Variants in WDR72 observed in about 807,000 individuals in gnomAD.
The protein encoded by WDR72 is WD repeat domain 72.
In WDR72, 120 loss-of-function variants were observed where a neutral mutation model predicts 124.2. That is an observed-to-expected ratio of 0.97 (90% CI 0.83 to 1.12). WDR72 has a LOEUF of 1.12. WDR72 is among the 50% of genes most tolerant of loss of function. The probability of loss-of-function intolerance (pLI) is 0.00; values close to 1 mark genes in which losing one functional copy is unlikely to be tolerated. For synonymous variants in WDR72, 452 were observed against 441.7 expected, an observed-to-expected ratio of 1.02 and a Z score of -0.29; for missense variants, 1,387 against 1,278.8, an observed-to-expected ratio of 1.08 and a Z score of -1.29.
chr15:53,707,738 G>T (rs577622823), intron 9 of WDR72, among the ~76,000 whole-genome samples: 3 of 152,234 alleles, frequency 2.0e-5, no homozygotes, highest in African/African-American at 2.4e-5. Context: ...GAGCCACTGC[G>T]CCCGGCCAAT....
At position 53,674,811 on chromosome 15, in the gene WDR72, CT is replaced by C. The variant is rs530851825; in HGVS notation, c.1766-9044del. Among the ~76,000 whole-genome samples the C allele has an allele frequency of 1.1e-4, 16 of 152,220 alleles. No homozygotes were observed. In the South Asian group the frequency reaches 3.1e-3, roughly 30 times the overall value. The stretch of plus-strand genomic sequence containing the variant: ...AACCACCATGACCTTAACCCCAGCT[CT>C]GCCACAGCCTCCAGCACATTCACAG... On this transcript the variant is annotated intron_variant, in intron 13 of 19. Transcript: ENST00000360509.
chr15:53,621,430 GATAT>G lies in WDR72; in HGVS notation c.1963-5191_1963-5188del, dbSNP rs57355125. On this transcript the variant is annotated intron_variant, in intron 14 of 19. Transcript: ENST00000360509. ...ATCAATGAGTGGATAAAGAAACTGT[GATAT>G]ATATATATATATATATATATATATG... Among the ~76,000 whole-genome samples the G allele has an allele frequency of 1.7e-3, 215 of 124,366 alleles. 4 individuals carry two copies. Among genetic ancestry groups the G allele is most frequent in the African/African-American group, 6.7e-3 (184 of 27,634 alleles). The allele number at this position is 124,366 out of a possible 152,430, so 81.6% of individuals were successfully genotyped here. A position where few individuals can be genotyped will look rare whatever the true frequency, so the allele number is the denominator to read the frequency against.
At chr15:53,628,806 G>C (rs544332819) in intron 14 of WDR72, among the ~76,000 whole-genome samples, 1 of 151,890 alleles carries the variant, frequency 6.6e-6, no homozygotes, top group South Asian at 2.1e-4. Context: ...ACCAACAATA[G>C]ATTTTTTTTA....
intron 17 of WDR72, among the ~76,000 whole-genome samples, chr15:53,597,841 C>T (rs915206915): frequency 1.3e-5 from 2 of 152,052 alleles, no homozygotes; most frequent in Non-Finnish European, 1.5e-5. Context: ...CAGTCAAGGA[C>T]CTATGGTTCG....
intron 13 of WDR72, among the ~76,000 whole-genome samples, chr15:53,694,064 C>A (rs1035979393): frequency 6.6e-6 from 1 of 152,148 alleles, no homozygotes; most frequent in Admixed American, 6.6e-5. Context: ...CCCCAAGCTG[C>A]TTCTGAGATG....
chr15:53,623,446 T>C (rs2014082186), intron 14 of WDR72, among the ~76,000 whole-genome samples: 1 of 152,138 alleles, frequency 6.6e-6, no homozygotes, highest in South Asian at 2.1e-4. Context: ...AAGAACATGA[T>C]TTCATTCTTT....
intron 18 of WDR72, among the ~76,000 whole-genome samples, chr15:53,555,819 C>T (rs1893909467): frequency 6.6e-6 from 1 of 152,050 alleles, no homozygotes; most frequent in African/African-American, 2.4e-5. Flanking sequence ...CAAAGGGTTT[C>T]ACATCCATTA....
intron 14 of WDR72, among the ~76,000 whole-genome samples, chr15:53,661,951 T>A (rs1176518612): frequency 1.3e-5 from 2 of 152,118 alleles, no homozygotes; most frequent in Non-Finnish European, 2.9e-5. Flanking sequence ...ATAATCCACT[T>A]TACCCTTTTA....
chr15:53,714,476 C>T lies in WDR72; in HGVS notation c.549G>A (p.Glu183=), dbSNP rs1364189073. 5.0e-6 allele frequency: 8 copies of T among 1,613,740 alleles called. No individual in the cohort carries two copies. Among genetic ancestry groups the T allele is most frequent in the South Asian group, 1.1e-5 (1 of 91,050 alleles). The change falls in exon 6 of 20, where the codon GAG becomes GAA. Residue 183 remains glutamate (E), a synonymous_variant. Coordinates refer to ENST00000360509, the MANE Select transcript of WDR72 (RefSeq NM_182758.4). ...ATGAGGAAAGATCCCATACTTTGAG[C>T]TCACCAGCTACTGATACCACCAAGA... The part of the protein sequence containing the change: ...DSLLVVSVAG[E]LKVWDLSSSI...
At chr15:53,744,419 C>T (rs1178596709) in intron 1 of WDR72, among the ~76,000 whole-genome samples, 1 of 152,182 alleles carries the variant, frequency 6.6e-6, no homozygotes, top group Non-Finnish European at 1.5e-5. Context: ...TAATGCAGTC[C>T]TGCTGATAGC....
chr15:53,532,644 TGGGAAGCGGGGG>T (rs1312857109), intron 18 of WDR72, among the ~76,000 whole-genome samples: 1 of 151,918 alleles, frequency 6.6e-6, no homozygotes, highest in East Asian at 1.9e-4. Context: ...AGAAGGTTAG[TGGGAAGCGGGGG>T]ATAAGAAGGG....
chr15:53,521,246 C>T (rs1241964169), intron 19 of WDR72, among the ~76,000 whole-genome samples: 1 of 152,122 alleles, frequency 6.6e-6, no homozygotes, highest in Non-Finnish European at 1.5e-5. Flanking sequence ...AAGCCCTGGT[C>T]ATTTTATAGG....
chr15:53,602,441 CA>C (rs1168743727), intron 17 of WDR72, among the ~76,000 whole-genome samples: 6 of 151,286 alleles, frequency 4.0e-5, no homozygotes, highest in Non-Finnish European at 8.8e-5. Flanking sequence ...GAATCAAGAG[CA>C]AAAAAATCCC....
At chr15:53,528,863 T>G (rs1595731828) in intron 18 of WDR72, among the ~76,000 whole-genome samples, 1 of 152,076 alleles carries the variant, frequency 6.6e-6, no homozygotes, top group African/African-American at 2.4e-5. Context: ...TGTTCTGTTA[T>G]TCAGGACTTT....
At chr15:53,695,735 C>A (rs1471226201) in intron 13 of WDR72, among the ~76,000 whole-genome samples, 1 of 152,202 alleles carries the variant, frequency 6.6e-6, no homozygotes, top group Admixed American at 6.5e-5. Flanking sequence ...ATCCATCTCA[C>A]TATGCCACCT....
At chr15:53,643,085 C>A (rs1595815148) in intron 14 of WDR72, among the ~76,000 whole-genome samples, 1 of 151,768 alleles carries the variant, frequency 6.6e-6, no homozygotes, top group African/African-American at 2.4e-5. Context: ...GTAGAAAATA[C>A]CAGTTAGGAA....
intron 13 of WDR72, 77 bp from the exon 14 acceptor site, chr15:53,665,845 A>G (rs2015761030): frequency 7.1e-7 from 1 of 1,409,758 alleles, no homozygotes; most frequent in African/African-American, 1.4e-5. Context: ...AACACTCTTT[A>G]GCAGAAGAAT....
In WDR72 at chr15:53,554,969, A is replaced by G. The variant is rs78793444; in HGVS notation, c.3149-31647T>C. Among the ~76,000 whole-genome samples, 229 of 152,240 alleles carry G rather than the reference A, an allele frequency of 1.5e-3. 3 individuals carry two copies. Among genetic ancestry groups the G allele is most frequent in the East Asian group, 7.2e-3 (37 of 5,164 alleles). On this transcript the variant is annotated intron_variant, in intron 18 of 19. Coordinates refer to ENST00000360509, the MANE Select transcript of WDR72 (RefSeq NM_182758.4). The stretch of plus-strand genomic sequence containing the variant: ...AGCTACCAAAATGATGTCACTATGT[A>G]CAAAGCTGAGGAGAGATGCATACAA...
chr15:53,648,072 A>T (rs528501754), intron 14 of WDR72, among the ~76,000 whole-genome samples: 2 of 152,140 alleles, frequency 1.3e-5, no homozygotes, highest in South Asian at 2.1e-4. Flanking sequence ...CACCTCTGAC[A>T]GATGGCACGT....
Sources: allele counts gnomAD v4.1 joint callset (sites outside exome capture counted in the v4.1 genomes callset), GRCh38; gene constraint gnomAD v4.1.1; transcripts MANE v1.5; gene names NCBI Gene and HGNC (gene_info 2026-07-23, HGNC 2026-07-21).